The following ANKRD44 variants were observed in gnomAD, a reference collection of about 807,000 sequenced individuals.
ANKRD44 encodes the protein ankyrin repeat domain 44, also known as serine/threonine-protein phosphatase 6 regulatory ankyrin repeat subunit B.
Under a neutral mutation model 116.0 loss-of-function variants are expected in ANKRD44, and 35 were observed. That is an observed-to-expected ratio of 0.30 (90% CI 0.23 to 0.40). The LOEUF is 0.40. Among genes scored for constraint, ANKRD44 ranks in the 10% least tolerant of loss-of-function variants. The pLI, the probability that ANKRD44 is intolerant of heterozygous loss-of-function variation, is 1.00. For missense variants in ANKRD44, 1,014 were observed against 1,242.6 expected, an observed-to-expected ratio of 0.82 and a Z score of 2.77; for synonymous variants, 435 against 461.8, an observed-to-expected ratio of 0.94 and a Z score of 0.74.
At chr2:196,999,163 T>A in intron 23 of ANKRD44, 111 bp from the exon 24 acceptor site, 1 of 1,291,636 alleles carries the variant, frequency 7.7e-7, no homozygotes. Context: ...AACTTCTCAG[T>A]TTATAGACAT....
intron 1 of ANKRD44, among the ~76,000 whole-genome samples, chr2:197,286,343 A>C (rs2083405767): frequency 6.6e-6 from 1 of 151,886 alleles, no homozygotes; most frequent in African/African-American, 2.4e-5. Context: ...CTAAGGACAG[A>C]AAGAATTTTT....
chr2:197,309,003 G>A (rs1214961146), intron 1 of ANKRD44, among the ~76,000 whole-genome samples: 1 of 152,180 alleles, frequency 6.6e-6, no homozygotes, highest in African/African-American at 2.4e-5. Flanking sequence ...AGAAAATGAA[G>A]GGTTTGGGCT....
chr2:197,229,456 A>C (rs1349631049), intron 1 of ANKRD44, among the ~76,000 whole-genome samples: 1 of 152,228 alleles, frequency 6.6e-6, no homozygotes, highest in Non-Finnish European at 1.5e-5. Context: ...AGGAGTTATA[A>C]TAACTCTAGT....
chr2:197,127,845 T>A (rs1005092591), intron 4 of ANKRD44, among the ~76,000 whole-genome samples: 3 of 152,128 alleles, frequency 2.0e-5, no homozygotes, highest in African/African-American at 4.8e-5. Context: ...CAGGCCCCAG[T>A]GTGTGTCGTT....
chr2:197,190,006 G>A (rs933316314), intron 1 of ANKRD44, among the ~76,000 whole-genome samples: 4 of 152,136 alleles, frequency 2.6e-5, no homozygotes, highest in Non-Finnish European at 5.9e-5. Flanking sequence ...AGAGAAGGGC[G>A]CCAGCACAGT....
intron 1 of ANKRD44, among the ~76,000 whole-genome samples, chr2:197,236,713 C>CAAAAAAAAAA (rs71012964): frequency 6.7e-5 from 7 of 105,230 alleles, no homozygotes; most frequent in African/African-American, 1.9e-4. Flanking sequence ...ACAAACTACT[C>CAAAAAAAAAA]AAAAAAAAAA....
At chr2:197,198,083 T>G (rs2081001153) in intron 1 of ANKRD44, 1 of 152,188 alleles carries the variant, frequency 6.6e-6, no homozygotes, top group South Asian at 2.1e-4. Flanking sequence ...TAGAGACGGA[T>G]GGAATGGTAA....
At chr2:197,233,536 A>G (rs1050536515) in intron 1 of ANKRD44, among the ~76,000 whole-genome samples, 4 of 152,236 alleles carry the variant, frequency 2.6e-5, no homozygotes, top group African/African-American at 4.8e-5. Flanking sequence ...ATTTCATATC[A>G]TGGCTTTTTT....
chr2:197,276,486 TAA>T (rs1246902982), intron 1 of ANKRD44, among the ~76,000 whole-genome samples: 1 of 152,004 alleles, frequency 6.6e-6, no homozygotes, highest in Admixed American at 6.6e-5. Flanking sequence ...GGGTTATATA[TAA>T]GAGTACTAAT....
chr2:196,998,196 C>T (rs2125891563), intron 25 of ANKRD44, 141 bp downstream of exon 25: 1 of 635,354 alleles, frequency 1.6e-6, no homozygotes, highest in Non-Finnish European at 2.7e-6. Context: ...CTCATCCTTC[C>T]ACTTTCAGTT....
At chr2:196,974,568 A>G (rs1265876695) in intron 21 of ANKRD44, among the ~76,000 whole-genome samples, 1 of 152,202 alleles carries the variant, frequency 6.6e-6, no homozygotes, top group African/African-American at 2.4e-5. Flanking sequence ...TTTTATATTA[A>G]GATTCAATAA....
chr2:196,969,063 G>A (rs558450615), intron 21 of ANKRD44, among the ~76,000 whole-genome samples: 1 of 152,310 alleles, frequency 6.6e-6, no homozygotes, highest in Admixed American at 6.5e-5. Flanking sequence ...TTCAGGCACT[G>A]TGTTAGGTAC....
chr2:197,210,025 C>G (rs1315160905), intron 1 of ANKRD44, among the ~76,000 whole-genome samples: 1 of 152,152 alleles, frequency 6.6e-6, no homozygotes, highest in African/African-American at 2.4e-5. Context: ...AGACGTCTTA[C>G]AGAAATTCCT....
At chr2:197,208,159 G>A (rs982915116) in intron 1 of ANKRD44, among the ~76,000 whole-genome samples, 9 of 152,198 alleles carry the variant, frequency 5.9e-5, no homozygotes, top group Non-Finnish European at 1.0e-4. Context: ...TAACTCCACA[G>A]AAGACTCTCA....
chr2:197,091,907 T>TAAATCTAGTAGTATTTAAGAGA (rs2078051377), intron 10 of ANKRD44, among the ~76,000 whole-genome samples: 1 of 152,176 alleles, frequency 6.6e-6, no homozygotes, highest in African/African-American at 2.4e-5. Context: ...ATATATTTCA[T>TAAATCTAGTAGTATTTAAGAGA]AAATCTAGTA....
downstream of ANKRD44, among the ~76,000 whole-genome samples, chr2:196,986,079 A>G (rs770667791): frequency 6.6e-6 from 1 of 152,228 alleles, no homozygotes; most frequent in Non-Finnish European, 1.5e-5. Context: ...GGAAGCTGAG[A>G]GCAAACACAA....
At chr2:197,218,143 T>C (rs2081493341) in intron 1 of ANKRD44, among the ~76,000 whole-genome samples, 1 of 152,182 alleles carries the variant, frequency 6.6e-6, no homozygotes, top group African/African-American at 2.4e-5. Context: ...AGAGAGGTCT[T>C]CCTCTCCTAA....
chr2:197,121,393 G>A lies in ANKRD44; in HGVS notation c.845C>T (p.Ser282Phe). The A allele has an allele frequency of 1.2e-6, 2 of 1,614,224 alleles. No homozygotes were observed. The highest frequency in any genetic ancestry group is 1.7e-6 in the Non-Finnish European group (2 of 1,180,042). Reference protein sequence around the residue: ...GFTPLHFAAASTHGALCLELL... With the variant: ...GFTPLHFAAAFTHGALCLELL... The stretch of plus-strand genomic sequence containing the variant: ...TTCAAGACACAAAGCACCATGAGTG[G>A]AGGCAGCAGCAAAATGCAAAGGGGT... Residue 282 changes from serine to phenylalanine, a missense_variant, in exon 8 of 28, where the codon TCC (serine) becomes TTC (phenylalanine). Ser to Phe is a radical substitution (Grantham distance 155). Transcript: ENST00000282272.
intron 2 of ANKRD44, among the ~76,000 whole-genome samples, chr2:197,176,618 G>A (rs547790521): frequency 6.6e-6 from 1 of 152,334 alleles, no homozygotes; most frequent in East Asian, 1.9e-4. Flanking sequence ...CTCTGGACAT[G>A]AGCTTGTAGG....
Sources: gnomAD v4.1 joint callset for allele counts (sites outside exome capture counted in the v4.1 genomes callset) on GRCh38, gnomAD v4.1.1 for gene constraint, MANE v1.5 for transcripts, NCBI Gene and HGNC (gene_info 2026-07-23, HGNC 2026-07-21) for gene names.